NMRAL1: variants seen among roughly 807,000 people sequenced by gnomAD.
NMRAL1 encodes the protein nmrA-like family domain-containing protein 1.
Under a neutral mutation model 27.5 loss-of-function variants are expected in NMRAL1, and 32 were observed. The ratio of observed to expected loss-of-function variants is 1.16; its 90% CI spans 0.88 to 1.56. The LOEUF (loss-of-function observed/expected upper bound fraction) is 1.56, where lower values mean the gene tolerates loss of function less well. Ranked by LOEUF, NMRAL1 falls within the 40% of genes most tolerant of loss-of-function variation. The pLI is 0.00. For missense variants in NMRAL1, 420 were observed against 392.0 expected (o/e 1.07, Z -0.60); for synonymous variants, 166 against 166.8 (o/e 1.00, Z 0.04).
At chr16:4,465,821 G>A (rs1468309452) in intron 4 of NMRAL1, among the ~76,000 whole-genome samples, 1 of 152,186 alleles carries the variant, frequency 6.6e-6, no homozygotes, top group African/African-American at 2.4e-5. Flanking sequence ...GGGACTACAG[G>A]CATAAGCCAC....
chr16:4,474,315 G>A (rs1186414263), intron 1 of NMRAL1, 149 bp from the exon 2 acceptor site: 1 of 587,684 alleles, frequency 1.7e-6, no homozygotes, highest in African/African-American at 1.9e-5. Flanking sequence ...GAGATATCGG[G>A]GTCCCGCGAC....
chr16:4,466,433 CTCAGAAGAAGGATG>C, intron 3 of NMRAL1, 31 bp from the exon 4 acceptor site: 1 of 1,602,570 alleles, frequency 6.2e-7, no homozygotes, highest in Non-Finnish European at 8.5e-7. Context: ...GATCACAAGG[CTCAGAAGAAGGATG>C]TCTGTCCCTG....
At chr16:4,473,463 TA>T (rs1186448108) in intron 2 of NMRAL1, among the ~76,000 whole-genome samples, 2 of 152,102 alleles carry the variant, frequency 1.3e-5, no homozygotes, top group African/African-American at 2.4e-5. Flanking sequence ...AATGAAATAA[TA>T]TGCTATCATT....
intron 2 of NMRAL1, among the ~76,000 whole-genome samples, chr16:4,470,957 A>T (rs1453440667): frequency 1.3e-5 from 2 of 151,276 alleles, no homozygotes; most frequent in Admixed American, 1.3e-4. Context: ...AAAAAAAAAA[A>T]AAAATTAGCT....
intron 2 of NMRAL1, among the ~76,000 whole-genome samples, chr16:4,473,368 T>C (rs1009759744): frequency 2.6e-5 from 4 of 152,156 alleles, no homozygotes; most frequent in African/African-American, 9.7e-5. Context: ...TTGCACACTT[T>C]AAACAGGTAG....
At chr16:4,469,006 G>A (rs1406914775) in intron 3 of NMRAL1, among the ~76,000 whole-genome samples, 5 of 150,682 alleles carry the variant, frequency 3.3e-5, no homozygotes, top group African/African-American at 9.8e-5. Context: ...CAGGCCAGGC[G>A]TGGTTGCTCA....
chr16:4,473,072 C>CA lies in NMRAL1; in HGVS notation c.40+1020dup, dbSNP rs778121487. Among the ~76,000 whole-genome samples, 3 of 150,496 alleles carry CA rather than the reference C, an allele frequency of 2.0e-5. No homozygotes were observed. In the East Asian group the frequency reaches 5.9e-4, roughly 30 times the overall value. ...CACTGCAGCCTTGACCTGCTGGACT[C>CA]AGGTGATCCTCCCACCTCAACCTCC... On this transcript the variant is annotated intron_variant, in intron 2 of 5. Coordinates refer to ENST00000283429, the MANE Select transcript of NMRAL1 (RefSeq NM_020677.6).
intron 4 of NMRAL1, chr16:4,464,071 A>G: frequency 1.8e-6 from 1 of 543,016 alleles, no homozygotes; most frequent in East Asian, 3.3e-5. Context: ...CACCTAGGGC[A>G]GGCTGTTGAG....
chr16:4,469,632 T>C, intron 2 of NMRAL1, 167 bp from the exon 3 acceptor site: 1 of 1,358,364 alleles, frequency 7.4e-7, no homozygotes, highest in South Asian at 1.5e-5. Flanking sequence ...TTTTTTGAGA[T>C]GGAGTCTCAC....
In NMRAL1 at chr16:4,466,231, GC is replaced by G. The variant is rs1567350929; in HGVS notation, c.450del (p.Arg151GlyfsTer26). ...FRDIGVPMTS[V>X]RLPCYFENLL... ...AGGTTCTCAAAATAGCAGGGCAGCCGCACACTGGTCATGGGAACGCCAATGT... is the reference window on the plus strand; with the variant it reads ...AGGTTCTCAAAATAGCAGGGCAGCCGACACTGGTCATGGGAACGCCAATGT... On this transcript the variant is annotated frameshift_variant, in exon 4 of 6. Coordinates refer to ENST00000283429, the MANE Select transcript of NMRAL1 (RefSeq NM_020677.6). LOFTEE classifies it high-confidence loss of function. 8 of 1,614,032 alleles carry G rather than the reference GC, an allele frequency of 5.0e-6. No homozygotes were observed. The African/African-American group carries it at 1.1e-4, about 22-fold the overall frequency.
rs182278672 is a variant in NMRAL1, at chr16:4,473,692, C to T, written c.40+401G>A. Among the ~76,000 whole-genome samples the T allele has an allele frequency of 2.1e-3, 316 of 151,804 alleles. 3 individuals are homozygous for T. Among genetic ancestry groups the T allele is most frequent in the Admixed American group, 0.017 (260 of 15,206 alleles). ...CTGTAATACCTGCACTTTGGGAGGCCGAGGCGGGTCATCACCTGAGGTCAG... is the reference window on the plus strand; with the variant it reads ...CTGTAATACCTGCACTTTGGGAGGCTGAGGCGGGTCATCACCTGAGGTCAG... On this transcript the variant is annotated intron_variant, in intron 2 of 5. Transcript: ENST00000283429.
upstream of NMRAL1, among the ~76,000 whole-genome samples, chr16:4,475,424 C>CA (rs1160163009): frequency 6.6e-6 from 1 of 151,952 alleles, no homozygotes; most frequent in Non-Finnish European, 1.5e-5. Context: ...TCTCCTGCCT[C>CA]AGTTTCCTGA....
At chr16:4,473,158 G>T (rs550346383) in intron 2 of NMRAL1, among the ~76,000 whole-genome samples, 35 of 151,814 alleles carry the variant, frequency 2.3e-4, no homozygotes, top group Admixed American at 2.3e-3. Flanking sequence ...TTGTAGAGAC[G>T]AGATTTTGCC....
chr16:4,469,637 TCTCA>T (rs755334537), intron 2 of NMRAL1, 172 bp from the exon 3 acceptor site: 11 of 1,319,470 alleles, frequency 8.3e-6, no homozygotes, highest in Non-Finnish European at 9.1e-6. Flanking sequence ...TGAGATGGAG[TCTCA>T]CTCTATCACC....
chr16:4,462,025 G>A lies in NMRAL1; in HGVS notation c.721-66C>T. On this transcript the variant is annotated intron_variant, in intron 5 of 5. Transcript: ENST00000283429. ...GCCCCGGGAGGTGGCGGGGCAGGGA[G>A]GCCGGATGGGCTGGGGTCTCCCGAC... is the stretch of plus-strand genomic sequence containing the variant. 3 of 1,397,528 alleles carry A rather than the reference G, an allele frequency of 2.1e-6. 1 individual carries two copies. The South Asian group carries it at 3.9e-5, about 18-fold the overall frequency. The allele number at this position is 1,397,528 out of a possible 1,614,324, so 86.6% of individuals were successfully genotyped here.
At chr16:4,469,761 G>C (rs1476805074) in intron 2 of NMRAL1, 1 of 380,348 alleles carries the variant, frequency 2.6e-6, no homozygotes, top group East Asian at 4.9e-5. Context: ...CAGCTACTCA[G>C]GAGGCTGAGG....
At chr16:4,470,644 T>C (rs2057526106) in intron 2 of NMRAL1, among the ~76,000 whole-genome samples, 2 of 151,014 alleles carry the variant, frequency 1.3e-5, no homozygotes, top group Non-Finnish European at 2.9e-5. Flanking sequence ...AAACCCCGTC[T>C]CTACTAAAAA....
intron 2 of NMRAL1, among the ~76,000 whole-genome samples, chr16:4,472,735 C>G (rs1378751468): frequency 1.4e-5 from 2 of 140,094 alleles, no homozygotes; most frequent in South Asian, 2.1e-4. Flanking sequence ...CAGAGCGGGA[C>G]TCTGTCTCAA....
intron 3 of NMRAL1, among the ~76,000 whole-genome samples, chr16:4,468,985 AAAC>A (rs1453086519): frequency 2.2e-4 from 34 of 151,966 alleles, no homozygotes; most frequent in Admixed American, 7.9e-4. Context: ...AAAAAAAAAA[AAAC>A]AAACGAACAG....
Sources: allele counts gnomAD v4.1 joint callset (sites outside exome capture counted in the v4.1 genomes callset), GRCh38; gene constraint gnomAD v4.1.1; transcripts MANE v1.5; gene names NCBI Gene and HGNC (gene_info 2026-07-23, HGNC 2026-07-21).